Variants in INPP5D observed in about 807,000 individuals in gnomAD.
INPP5D encodes the protein inositol polyphosphate-5-phosphatase D, also known as phosphatidylinositol 3,4,5-trisphosphate 5-phosphatase 1.
Under a neutral mutation model 122.9 loss-of-function variants are expected in INPP5D, and 33 were observed. The observed-to-expected ratio is 0.27, with a 90% CI of 0.20 to 0.36. The LOEUF (loss-of-function observed/expected upper bound fraction) is 0.36, where lower values mean the gene tolerates loss of function less well. Ranked by LOEUF, INPP5D falls within the 10% of genes least tolerant of loss-of-function variation. The probability of loss-of-function intolerance (pLI) is 1.00; values close to 1 mark genes in which losing one functional copy is unlikely to be tolerated. For synonymous variants in INPP5D, 584 were observed against 576.2 expected (o/e 1.01, Z -0.19); for missense variants, 1,053 against 1,412.7 (o/e 0.75, Z 4.08).
At chr2:233,066,112 C>T (rs1351741915) in intron 1 of INPP5D, among the ~76,000 whole-genome samples, 1 of 152,154 alleles carries the variant, frequency 6.6e-6, no homozygotes, top group African/African-American at 2.4e-5. Flanking sequence ...TGCAAGTCAC[C>T]AAGCCTGGCT....
At position 233,122,376 on chromosome 2, in the gene INPP5D, T is replaced by C. The variant is rs1207912747; in HGVS notation, c.349+119T>C. 4.6e-6 allele frequency: 5 copies of C among 1,095,624 alleles called. No homozygotes were observed. In the African/African-American group the frequency reaches 6.3e-5, roughly 14 times the overall value. 67.9% of individuals were successfully genotyped at this position (1,095,624 alleles called of 1,614,324 possible). On this transcript the variant is annotated intron_variant, in intron 3 of 26. Coordinates refer to ENST00000445964, the MANE Select transcript of INPP5D (RefSeq NM_001017915.3). ...AGAGGGAGATTGTTGGCGTGGGGGT[T>C]AAGGACAAGTTAGGAACACAGGCTC...
chr2:233,141,917 G>A (rs1364280614), intron 6 of INPP5D, among the ~76,000 whole-genome samples: 2 of 152,174 alleles, frequency 1.3e-5, no homozygotes, highest in African/African-American at 4.8e-5. Flanking sequence ...TATTTTACTT[G>A]TGCAACTTTC....
At position 233,189,036 on chromosome 2, in the gene INPP5D, C is replaced by T. The variant is rs1383915700; in HGVS notation, c.2359-814C>T. 4.6e-5 allele frequency among the ~76,000 whole-genome samples: 7 copies of T among 152,194 alleles called. No individual in the cohort carries two copies. In the East Asian group the frequency reaches 1.3e-3, roughly 29 times the overall value. On this transcript the variant is annotated intron_variant, in intron 21 of 26. Transcript: ENST00000445964. This position sits in a 1 kb window ranked among gnomAD's most constrained non-coding sequence, Gnocchi z 5.6. ...TGGGAGTCATCGTGAGAAACAGCCC[C>T]ACATCTGAAAAAGTCATAACTCGTG...
At chr2:233,073,496 C>T (rs1160786976) in intron 1 of INPP5D, among the ~76,000 whole-genome samples, 7 of 151,960 alleles carry the variant, frequency 4.6e-5, no homozygotes, top group South Asian at 2.1e-4. Flanking sequence ...AAACATTAGC[C>T]GAACATGGTG....
intron 6 of INPP5D, among the ~76,000 whole-genome samples, chr2:233,144,525 T>G (rs1407308878): frequency 1.8e-5 from 2 of 111,106 alleles, no homozygotes; most frequent in African/African-American, 6.9e-5. Flanking sequence ...GTGATGGTGA[T>G]GGTGAGGGTG....
In INPP5D at chr2:233,183,044, T is replaced by G. The variant is rs183329019; in HGVS notation, c.2161+545T>G. Reference sequence around the variant, plus strand: ...AAAAATCGTTAAGATGGGATGCAAATGACTGAGTTTTGGGAAACACCACAG... The same window carrying G: ...AAAAATCGTTAAGATGGGATGCAAAGGACTGAGTTTTGGGAAACACCACAG... On this transcript the variant is annotated intron_variant, in intron 19 of 26. Transcript: ENST00000445964. The surrounding 1 kb of genome is among the most constrained non-coding windows in gnomAD (Gnocchi z 4.6). Among the ~76,000 whole-genome samples, 162 of 152,274 alleles carry G rather than the reference T, an allele frequency of 1.1e-3. No homozygotes were observed. Among genetic ancestry groups the G allele is most frequent in the African/African-American group, 3.8e-3 (156 of 41,546 alleles).
At chr2:233,083,168 G>A (rs1222092728) in intron 2 of INPP5D, among the ~76,000 whole-genome samples, 1 of 152,222 alleles carries the variant, frequency 6.6e-6, no homozygotes, top group African/African-American at 2.4e-5. Context: ...CCAAGAAACT[G>A]CTGGAAAGTA....
chr2:233,178,248 G>A (rs1013888193), intron 18 of INPP5D, among the ~76,000 whole-genome samples: 5 of 152,150 alleles, frequency 3.3e-5, no homozygotes, highest in South Asian at 2.1e-4. Context: ...CCTGGGCAAC[G>A]TAGACTCCAT....
intron 25 of INPP5D, among the ~76,000 whole-genome samples, chr2:233,201,732 C>A (rs981790185): frequency 6.6e-6 from 1 of 152,224 alleles, no homozygotes; most frequent in Non-Finnish European, 1.5e-5. Flanking sequence ...CAACTGGTGA[C>A]CCCAGATCGA....
Position 233,183,769 on chromosome 2 carries a change from G to A in INPP5D, c.2162-639G>A, listed in dbSNP as rs1373241065. On this transcript the variant is annotated intron_variant, in intron 19 of 26. Coordinates refer to ENST00000445964, the MANE Select transcript of INPP5D (RefSeq NM_001017915.3). This position sits in a 1 kb window ranked among gnomAD's most constrained non-coding sequence, Gnocchi z 4.6. ...GGATTTAGAAAGAGAAAGGAAAGAA[G>A]GAAGGATGTGAGGGATGGAGGAAGG... Among the ~76,000 whole-genome samples the A allele has an allele frequency of 6.6e-6, 1 of 152,242 alleles. No individual in the cohort carries two copies. The highest frequency in any genetic ancestry group is 1.5e-5 in the Non-Finnish European group (1 of 68,048).
chr2:233,163,004 C>A (rs1694235478), intron 11 of INPP5D, among the ~76,000 whole-genome samples: 1 of 152,130 alleles, frequency 6.6e-6, no homozygotes, highest in Non-Finnish European at 1.5e-5. Flanking sequence ...GACCCACCAG[C>A]CCGGGGGTTC....
At chr2:233,119,709 C>G (rs940807566) in intron 2 of INPP5D, among the ~76,000 whole-genome samples, 5 of 152,130 alleles carry the variant, frequency 3.3e-5, no homozygotes, top group Non-Finnish European at 2.9e-5. Flanking sequence ...AGCCAGAGCC[C>G]AGATGGACAG....
chr2:233,192,528 A>G (rs1442700081), intron 22 of INPP5D, among the ~76,000 whole-genome samples: 2 of 152,194 alleles, frequency 1.3e-5, no homozygotes, highest in Non-Finnish European at 2.9e-5. Flanking sequence ...TAGATGAAAC[A>G]CATTTTCCAT....
In INPP5D at chr2:233,170,428, C is replaced by G. The variant is rs1249231385; in HGVS notation, c.1792-68C>G. 2 of 1,601,408 alleles carry G rather than the reference C, an allele frequency of 1.2e-6. No homozygotes were observed. The highest frequency in any genetic ancestry group is 4.5e-5 in the East Asian group (2 of 44,436). Reference sequence around the variant, plus strand: ...GGGTCATCCAGCTGCCCGCCCCCAGCCCCGAAGCTTGTCAGGCCTGGATCA... The same window carrying G: ...GGGTCATCCAGCTGCCCGCCCCCAGGCCCGAAGCTTGTCAGGCCTGGATCA... On this transcript the variant is annotated intron_variant, in intron 15 of 26. Coordinates refer to ENST00000445964, the MANE Select transcript of INPP5D (RefSeq NM_001017915.3). The surrounding 1 kb of genome is among the most constrained non-coding windows in gnomAD (Gnocchi z 4.5).
chr2:233,107,735 C>G (rs1018801714), intron 2 of INPP5D, among the ~76,000 whole-genome samples: 2 of 152,096 alleles, frequency 1.3e-5, no homozygotes, highest in African/African-American at 4.8e-5. Context: ...CAACCTGGTG[C>G]TTGCCGGGGA....
chr2:233,192,703 C>G (rs2106322180), intron 22 of INPP5D, among the ~76,000 whole-genome samples: 1 of 152,336 alleles, frequency 6.6e-6, no homozygotes, highest in Non-Finnish European at 1.5e-5. Context: ...AGATGAATCT[C>G]TTTGTGGACA....
chr2:233,200,219 G>C (rs1199037621), intron 25 of INPP5D, among the ~76,000 whole-genome samples: 7 of 152,222 alleles, frequency 4.6e-5, no homozygotes. Context: ...ACTTCCCAAA[G>C]GCACAGACGC....
intron 18 of INPP5D, among the ~76,000 whole-genome samples, chr2:233,180,289 C>T (rs897647559): frequency 6.6e-6 from 1 of 152,000 alleles, no homozygotes; most frequent in East Asian, 1.9e-4. Flanking sequence ...CAGTCCACCT[C>T]CTAGGCTTAA....
intron 22 of INPP5D, 97 bp from the exon 23 acceptor site, chr2:233,193,715 C>T (rs1377042208): frequency 6.3e-7 from 1 of 1,592,548 alleles, no homozygotes; most frequent in Non-Finnish European, 8.6e-7. Context: ...CTTGCCTGGG[C>T]TATAGTTTCA....
Sources: allele counts gnomAD v4.1 joint callset (sites outside exome capture counted in the v4.1 genomes callset), GRCh38; gene constraint gnomAD v4.1.1; non-coding constraint Gnocchi (gnomAD v3.1); transcripts MANE v1.5; gene names NCBI Gene and HGNC (gene_info 2026-07-23, HGNC 2026-07-21).